Variants in VIRMA observed in about 807,000 individuals in gnomAD.
VIRMA encodes vir like m6A methyltransferase associated.
A neutral mutation model predicts 182.4 loss-of-function variants in VIRMA; 65 were observed. The ratio of observed to expected loss-of-function variants is 0.36; its 90% confidence interval spans 0.29 to 0.44. The LOEUF is 0.44. Ranked by LOEUF, VIRMA falls within the 20% of genes least tolerant of loss-of-function variation. VIRMA has a pLI of 1.00. For synonymous variants in VIRMA, 709 were observed against 743.1 expected, an observed-to-expected ratio of 0.95 and a Z score of 0.75; for missense variants, 1,752 against 2,158.1, an observed-to-expected ratio of 0.81 and a Z score of 3.73.
intron 1 of VIRMA, among the ~76,000 whole-genome samples, chr8:94,549,113 C>T (rs534561380): frequency 6.6e-6 from 1 of 152,298 alleles, no homozygotes; most frequent in South Asian, 2.1e-4. Flanking sequence ...GAACACTATT[C>T]CCTCACAATC....
intron 22 of VIRMA, among the ~76,000 whole-genome samples, chr8:94,490,431 T>G (rs1479824739): frequency 2.6e-5 from 4 of 152,202 alleles, no homozygotes; most frequent in Non-Finnish European, 4.4e-5. Flanking sequence ...CTAATCTAAG[T>G]GTTTGTTATT....
intron 15 of VIRMA, 46 bp downstream of exon 15, chr8:94,509,642 A>G: frequency 6.4e-7 from 1 of 1,554,620 alleles, no homozygotes; most frequent in Non-Finnish European, 8.7e-7. Context: ...ACACACACAC[A>G]CACATACACA....
At chr8:94,508,854 C>T (rs190239159) in intron 15 of VIRMA, among the ~76,000 whole-genome samples, 19 of 151,512 alleles carry the variant, frequency 1.3e-4, no homozygotes, top group Admixed American at 1.1e-3. Context: ...AGCATTCTGA[C>T]AAGCTAAAAT....
In VIRMA at chr8:94,529,458, TA is replaced by T. The variant is rs557961393; in HGVS notation, c.608-117del. Reference sequence around the variant, plus strand: ...GGTTGATATAGTTTATAAATACCCTTAAAAAAAAAGAATTACTCACTGTTTA... The same window carrying T: ...GGTTGATATAGTTTATAAATACCCTTAAAAAAAAGAATTACTCACTGTTTA... On this transcript the variant is annotated intron_variant, in intron 6 of 23. Coordinates refer to ENST00000297591, the MANE Select transcript of VIRMA (RefSeq NM_015496.5). The T allele has an allele frequency of 7.1e-3, 4,080 of 577,622 alleles. 27 individuals are homozygous for T. The highest frequency in any genetic ancestry group is 8.6e-3 in the Non-Finnish European group (2,817 of 326,724). 35.8% of individuals were successfully genotyped at this position (577,622 alleles called of 1,614,324 possible).
At chr8:94,551,764 G>T (rs1325528282) in intron 1 of VIRMA, among the ~76,000 whole-genome samples, 5 of 152,036 alleles carry the variant, frequency 3.3e-5, no homozygotes, top group Admixed American at 3.3e-4. Context: ...TCACTCTGTT[G>T]CTCAGGCTGG....
Position 94,509,860 on chromosome 8 carries a change from T to G in VIRMA, c.3707A>C (p.Lys1236Thr), listed in dbSNP as rs1814302776. Residue 1236 changes from lysine (K) to threonine (T), a missense_variant, in exon 15 of 24, where the codon AAA (lysine) becomes ACA (threonine). Physicochemically the swap from Lys to Thr is moderately conservative, Grantham distance 78. Coordinates refer to ENST00000297591, the MANE Select transcript of VIRMA (RefSeq NM_015496.5). ...ATGCAAAATAGCTAATTTACAAGCT[T>G]TGTGTGAAGCCAGAGCATCAAGAAG... ...LALLDALASH[K>T]ACKLAILHLI... The G allele has an allele frequency of 1.2e-6, 2 of 1,613,970 alleles. No individual in the cohort carries two copies. The highest frequency in any genetic ancestry group is 1.7e-6 in the Non-Finnish European group (2 of 1,179,870).
In VIRMA at chr8:94,526,590, C is replaced by T. The variant is rs147467679; in HGVS notation, c.1654G>A (p.Ala552Thr). 1.9e-6 allele frequency: 3 copies of T among 1,613,812 alleles called. No individual in the cohort carries two copies. Among genetic ancestry groups the T allele is most frequent in the Non-Finnish European group, 2.5e-6 (3 of 1,180,008 alleles). Residue 552 changes from alanine to threonine, a missense_variant, in exon 8 of 24, where the codon GCT becomes ACT. This residue lies in a region of VIRMA where 401 missense variants were observed against 455.1 expected (regional missense o/e 0.88). Coordinates refer to ENST00000297591, the MANE Select transcript of VIRMA (RefSeq NM_015496.5). ...TAGAAATGGCATTTTTGGAGAATAG[C>T]TGAACCAGCAGTAACAACCCTCACA... ...QTVRVVTAGSAILQKCHFYEV... is the reference protein window; with the variant it reads ...QTVRVVTAGSTILQKCHFYEV...
chr8:94,508,071 C>T (rs954993189), intron 15 of VIRMA, among the ~76,000 whole-genome samples: 3 of 151,838 alleles, frequency 2.0e-5, no homozygotes, highest in Non-Finnish European at 4.4e-5. Flanking sequence ...TCTAAAAACT[C>T]CTGCTACTCT....
At chr8:94,537,019 A>C in intron 4 of VIRMA, 84 bp downstream of exon 4, 2 of 910,686 alleles carry the variant, frequency 2.2e-6, no homozygotes, top group Non-Finnish European at 3.6e-6. Flanking sequence ...ACACTCTGCA[A>C]CACTGATTTA....
intron 11 of VIRMA, among the ~76,000 whole-genome samples, chr8:94,512,979 T>C (rs569454643): frequency 7.2e-4 from 109 of 152,310 alleles, no homozygotes; most frequent in African/African-American, 2.5e-3. Flanking sequence ...CTATGCTATG[T>C]TTCTAGGTAA....
At chr8:94,542,847 T>A (rs1384044581) in intron 2 of VIRMA, among the ~76,000 whole-genome samples, 1 of 152,222 alleles carries the variant, frequency 6.6e-6, no homozygotes, top group Admixed American at 6.5e-5. Context: ...TCCACAATTA[T>A]GAAGAAATGA....
Position 94,511,340 on chromosome 8 carries a change from GT to G in VIRMA, c.3234del (p.Lys1078AsnfsTer16). The G allele has an allele frequency of 6.2e-7, 1 of 1,613,692 alleles. No homozygotes were observed. Among genetic ancestry groups the G allele is most frequent in the Non-Finnish European group, 8.5e-7 (1 of 1,179,874 alleles). On this transcript the variant is annotated frameshift_variant, in exon 13 of 24. Transcript: ENST00000297591. LOFTEE classifies it high-confidence loss of function. ...LLTFTQGVNE[K>X]LTISEETLAN... is the part of the protein sequence containing the mutation. ...GCCAGAGTCTCTTCTGAGATTGTGAGTTTTTCATTAACTCCTTGTGTAAAAG... is the reference window on the plus strand; with the variant it reads ...GCCAGAGTCTCTTCTGAGATTGTGAGTTTTCATTAACTCCTTGTGTAAAAG...
chr8:94,527,012 A>G lies in VIRMA; in HGVS notation c.1232T>C (p.Ile411Thr). 1 of 1,614,174 alleles carries G rather than the reference A, an allele frequency of 6.2e-7. No individual in the cohort carries two copies. The highest frequency in any genetic ancestry group is 1.1e-5 in the South Asian group (1 of 91,084). Residue 411 changes from isoleucine to threonine, a missense_variant, in exon 8 of 24, where the codon ATA (isoleucine) becomes ACA (threonine). Coordinates refer to ENST00000297591, the MANE Select transcript of VIRMA (RefSeq NM_015496.5). ...VTALEEIPSL[I>T]IKGLSYLQLK... is the part of the protein sequence containing the mutation. ...TTGCAAATAGCTTAACCCTTTTATT[A>G]TTAAACTTGGAATTTCTTCTAAAGC...
intron 15 of VIRMA, among the ~76,000 whole-genome samples, chr8:94,508,749 C>T (rs3099411): frequency 0.12 from 17,204 of 149,060 alleles, 1,394 homozygotes; most frequent in East Asian, 0.24. Context: ...TGTAACCAAA[C>T]TGAATATTTG....
At position 94,510,467 on chromosome 8, in the gene VIRMA, T is replaced by C. The variant is rs1234293019; in HGVS notation, c.3576A>G (p.Ala1192=). Residue 1192 remains alanine (A), a synonymous_variant, in exon 14 of 24, where the codon GCA becomes GCG. Coordinates refer to ENST00000297591, the MANE Select transcript of VIRMA (RefSeq NM_015496.5). The part of the protein sequence containing the change: ...VQLCDLASPT[A]LLIMRTVLDL... ...CCAACACAGTTCTCATAATCAGAAG[T>C]GCAGTTGGTGAGGCAAGGTCACACA... is the stretch of plus-strand genomic sequence containing the variant. 1.9e-6 allele frequency: 3 copies of C among 1,614,020 alleles called. No homozygotes were observed. In the African/African-American group the frequency reaches 4.0e-5, roughly 22 times the overall value.
chr8:94,527,907 G>C (rs920131134), intron 7 of VIRMA, among the ~76,000 whole-genome samples: 37 of 152,194 alleles, frequency 2.4e-4, no homozygotes, highest in African/African-American at 8.7e-4. Flanking sequence ...CAGTTTTGTA[G>C]GTCTCCATTA....
At chr8:94,518,958 A>G (rs984875227) in intron 9 of VIRMA, 27 bp downstream of exon 9, 1 of 1,546,222 alleles carries the variant, frequency 6.5e-7, no homozygotes. Flanking sequence ...ACATCATAGA[A>G]AATTTAAGGA....
At chr8:94,524,944 T>C (rs1814906027) in intron 8 of VIRMA, among the ~76,000 whole-genome samples, 1 of 152,218 alleles carries the variant, frequency 6.6e-6, no homozygotes, top group Admixed American at 6.5e-5. Context: ...GTCTTTCTAT[T>C]CCTTCTAAGT....
At chr8:94,507,238 C>A (rs1194729431) in intron 15 of VIRMA, among the ~76,000 whole-genome samples, 1 of 151,060 alleles carries the variant, frequency 6.6e-6, no homozygotes, top group African/African-American at 2.4e-5. Context: ...CAGGTTCAAG[C>A]AATTCTCCTG....
Sources: allele counts gnomAD v4.1 joint callset (sites outside exome capture counted in the v4.1 genomes callset), GRCh38; gene constraint gnomAD v4.1.1; regional missense constraint gnomAD v4.1.1; transcripts MANE v1.5; gene names NCBI Gene and HGNC (gene_info 2026-07-23, HGNC 2026-07-21).